TENM3: variants seen among roughly 807,000 people sequenced by gnomAD.
The protein encoded by TENM3 is teneurin-3.
A neutral mutation model predicts 255.1 loss-of-function variants in TENM3; 63 were observed. The ratio of observed to expected loss-of-function variants is 0.25; its 90% CI spans 0.20 to 0.30. TENM3 has a LOEUF of 0.30. Ranked by LOEUF, TENM3 falls within the 10% of genes least tolerant of loss-of-function variation. The pLI is 1.00. For synonymous variants in TENM3, 1,306 were observed against 1,322.3 expected, an observed-to-expected ratio of 0.99 and a Z score of 0.27; for missense variants, 2,929 against 3,461.1, an observed-to-expected ratio of 0.85 and a Z score of 3.86.
At chr4:181,754,860 G>T in the TENM3 span, among the ~76,000 whole-genome samples, 1 of 152,072 alleles carries the variant, frequency 6.6e-6, no homozygotes, top group Non-Finnish European at 1.5e-5. Context: ...AATATAACAT[G>T]CAACCCCCAG....
chr4:181,695,923 G>T, the TENM3 span, among the ~76,000 whole-genome samples: 5 of 150,772 alleles, frequency 3.3e-5, no homozygotes, highest in East Asian at 2.0e-4. Flanking sequence ...CTAGAGGAAA[G>T]ACTTTTTTTT....
At chr4:182,471,687 C>G (rs1733139082) in intron 3 of TENM3, among the ~76,000 whole-genome samples, 1 of 151,498 alleles carries the variant, frequency 6.6e-6, no homozygotes, top group South Asian at 2.1e-4. Flanking sequence ...AATGCTTTTA[C>G]TTATAAAGTA....
chr4:181,738,587 G>T, the TENM3 span, among the ~76,000 whole-genome samples: 1 of 152,108 alleles, frequency 6.6e-6, no homozygotes, highest in Non-Finnish European at 1.5e-5. Context: ...CTAAGATGTA[G>T]TGTTTTGATT....
At chr4:181,839,221 T>C in the TENM3 span, among the ~76,000 whole-genome samples, 1 of 149,230 alleles carries the variant, frequency 6.7e-6, no homozygotes. Context: ...TAAGATAATT[T>C]TAAATCTATA....
At chr4:182,545,009 T>C (rs1263382231) in intron 3 of TENM3, among the ~76,000 whole-genome samples, 1 of 152,226 alleles carries the variant, frequency 6.6e-6, no homozygotes, top group Admixed American at 6.5e-5. Context: ...CTGGATCTCA[T>C]TTAAATAAAT....
At chr4:182,229,111 G>A (rs776789733) in intron 1 of TENM3, among the ~76,000 whole-genome samples, 71 of 152,132 alleles carry the variant, frequency 4.7e-4, no homozygotes, top group Non-Finnish European at 5.7e-4. Context: ...AAAATATGCC[G>A]TTGAGAACAG....
intron 3 of TENM3, among the ~76,000 whole-genome samples, chr4:182,566,109 A>G (rs147817403): frequency 1.5e-4 from 23 of 152,304 alleles, no homozygotes; most frequent in Middle Eastern, 3.4e-3. Flanking sequence ...GCTACCAATT[A>G]TGTGCTACTT....
chr4:182,635,378 T>A (rs942973415), intron 5 of TENM3, among the ~76,000 whole-genome samples: 1 of 152,152 alleles, frequency 6.6e-6, no homozygotes, highest in African/African-American at 2.4e-5. Flanking sequence ...TACAGAACAT[T>A]TCTCTCACCT....
At chr4:182,729,324 A>G (rs1760490603) in intron 14 of TENM3, 143 bp downstream of exon 14, 1 of 733,450 alleles carries the variant, frequency 1.4e-6, no homozygotes, top group Non-Finnish European at 2.2e-6. Context: ...ATTCTTCACC[A>G]AACTTTGTAT....
chr4:181,704,554 T>G, the TENM3 span, among the ~76,000 whole-genome samples: 1 of 152,156 alleles, frequency 6.6e-6, no homozygotes, highest in African/African-American at 2.4e-5. Context: ...TTCATTCTGG[T>G]AGACCTTAGA....
the TENM3 span, among the ~76,000 whole-genome samples, chr4:181,563,452 A>G: frequency 6.6e-6 from 1 of 152,186 alleles, no homozygotes; most frequent in African/African-American, 2.4e-5. Context: ...GATATCTTCA[A>G]TTATTCTACT....
chr4:182,534,030 T>C (rs1284537904), intron 3 of TENM3, among the ~76,000 whole-genome samples: 1 of 152,200 alleles, frequency 6.6e-6, no homozygotes, highest in African/African-American at 2.4e-5. Context: ...ACAAAACTAA[T>C]ATATGACTGG....
chr4:182,602,735 G>A (rs1245372329), intron 4 of TENM3, among the ~76,000 whole-genome samples: 1 of 151,846 alleles, frequency 6.6e-6, no homozygotes, highest in Non-Finnish European at 1.5e-5. Flanking sequence ...TTTTTCCTGA[G>A]GTTATTAGCA....
In TENM3 at chr4:182,485,466, A is replaced by G. The variant is rs138877002; in HGVS notation, c.512-115458A>G. Reference sequence around the variant, plus strand: ...ACCCAATTTCAATCCTGACCAAGCAATCAATAAATTTAACCAAGTAACTAT... The same window carrying G: ...ACCCAATTTCAATCCTGACCAAGCAGTCAATAAATTTAACCAAGTAACTAT... On this transcript the variant is annotated intron_variant, in intron 3 of 27. Transcript: ENST00000511685. 3.8e-3 allele frequency among the ~76,000 whole-genome samples: 573 copies of G among 152,294 alleles called. 9 individuals carry two copies. Among genetic ancestry groups the G allele is most frequent in the African/African-American group, 0.013 (542 of 41,568 alleles).
At chr4:181,762,903 T>A in the TENM3 span, among the ~76,000 whole-genome samples, 278 of 129,250 alleles carry the variant, frequency 2.2e-3, no homozygotes, top group Middle Eastern at 3.9e-3. Flanking sequence ...ATTTACATAT[T>A]ACAGACAGTG....
chr4:181,803,896 C>A, the TENM3 span, among the ~76,000 whole-genome samples: 9 of 145,724 alleles, frequency 6.2e-5, no homozygotes, highest in Non-Finnish European at 1.3e-4. Context: ...TATTGTGCCA[C>A]CGCATTCTAG....
chr4:182,735,674 G>T (rs780089899), intron 16 of TENM3, among the ~76,000 whole-genome samples: 4 of 152,160 alleles, frequency 2.6e-5, no homozygotes, highest in Non-Finnish European at 5.9e-5. Flanking sequence ...GTGAGTTCCT[G>T]GTGCACGTTC....
At chr4:182,000,062 A>G in the TENM3 span, among the ~76,000 whole-genome samples, 1 of 152,116 alleles carries the variant, frequency 6.6e-6, no homozygotes, top group Non-Finnish European at 1.5e-5. Context: ...AATTTGGTGA[A>G]AATTTAGTCT....
chr4:182,493,422 G>T (rs189494399), intron 3 of TENM3, among the ~76,000 whole-genome samples: 2 of 152,142 alleles, frequency 1.3e-5, no homozygotes, highest in Non-Finnish European at 2.9e-5. Context: ...GACCCAGTAC[G>T]TGTGCCAATG....
Sources: gnomAD v4.1 joint callset for allele counts (sites outside exome capture counted in the v4.1 genomes callset) on GRCh38, gnomAD v4.1.1 for gene constraint, MANE v1.5 for transcripts, NCBI Gene and HGNC (gene_info 2026-07-23, HGNC 2026-07-21) for gene names.